KALRN: variants seen among roughly 807,000 people sequenced by gnomAD.
KALRN encodes kalirin.
Under a neutral mutation model 353.7 loss-of-function variants are expected in KALRN, and 70 were observed. That is an observed-to-expected ratio of 0.20 (90% confidence interval 0.16 to 0.24). The LOEUF (loss-of-function observed/expected upper bound fraction) is 0.24. Ranked by LOEUF, KALRN falls within the 10% of genes least tolerant of loss-of-function variation. KALRN has a pLI of 1.00. For missense variants in KALRN, 2,791 were observed against 3,756.7 expected (o/e 0.74, Z 6.72); for synonymous variants, 1,391 against 1,434.8 (o/e 0.97, Z 0.69).
At chr3:124,509,175 G>A (rs748189628) in intron 33 of KALRN, among the ~76,000 whole-genome samples, 1 of 152,064 alleles carries the variant, frequency 6.6e-6, no homozygotes, top group African/African-American at 2.4e-5. Context: ...TAAGTTAGAG[G>A]CTCATGTGAT....
At chr3:124,684,722 G>T (rs540397061) in intron 51 of KALRN, among the ~76,000 whole-genome samples, 1 of 152,220 alleles carries the variant, frequency 6.6e-6, no homozygotes, top group East Asian at 1.9e-4. Flanking sequence ...CGAAGAGGAC[G>T]TGGAAGATTC....
chr3:124,078,026 G>A (rs375289397), intron 1 of KALRN, among the ~76,000 whole-genome samples: 6 of 152,146 alleles, frequency 3.9e-5, no homozygotes, highest in African/African-American at 1.2e-4. Flanking sequence ...GGCATATACC[G>A]ACTACTCAAA....
intron 9 of KALRN, among the ~76,000 whole-genome samples, chr3:124,345,355 C>T (rs1332583446): frequency 1.3e-5 from 2 of 152,198 alleles, no homozygotes; most frequent in Non-Finnish European, 2.9e-5. Context: ...AACTCCTTTA[C>T]AGTACAGAAT....
chr3:124,239,921 A>G (rs977753351), intron 3 of KALRN, among the ~76,000 whole-genome samples: 4 of 152,206 alleles, frequency 2.6e-5, no homozygotes, highest in African/African-American at 9.6e-5. Flanking sequence ...CAGGTGATGG[A>G]AAGGCCAGAT....
intron 34 of KALRN, among the ~76,000 whole-genome samples, chr3:124,600,620 G>A (rs2076698640): frequency 2.0e-5 from 3 of 151,898 alleles, no homozygotes; most frequent in South Asian, 4.1e-4. Context: ...TTTGTGATTA[G>A]CATCCTATAC....
chr3:124,679,565 TG>T, intron 51 of KALRN, 48 bp downstream of exon 51: 1 of 1,475,144 alleles, frequency 6.8e-7, no homozygotes, highest in Non-Finnish European at 9.5e-7. Flanking sequence ...TTGCCTTTTT[TG>T]ATGTGTTCTG....
chr3:124,045,342 T>C (rs1017533507), intron 1 of KALRN, among the ~76,000 whole-genome samples: 1 of 152,178 alleles, frequency 6.6e-6, no homozygotes, highest in Non-Finnish European at 1.5e-5. Context: ...CAAAACACCA[T>C]AGGGAGTAAT....
rs1014797114 is a variant in KALRN, at chr3:124,579,877, T to C, written c.5182+16788T>C. On this transcript the variant is annotated intron_variant, in intron 34 of 59. Coordinates refer to ENST00000682506, the MANE Select transcript of KALRN (RefSeq NM_001388419.1). ...CTAAATCTGAACCAATCCCTGTGGC[T>C]GCCTGGCCACACCCAGGTCATGGGC... Among the ~76,000 whole-genome samples, 5 of 152,172 alleles carry C rather than the reference T, an allele frequency of 3.3e-5. 1 individual carries two copies. The highest frequency in any genetic ancestry group is 5.9e-5 in the Non-Finnish European group (4 of 68,034).
chr3:124,516,667 C>A (rs2066612031), intron 33 of KALRN, among the ~76,000 whole-genome samples: 1 of 145,680 alleles, frequency 6.9e-6, no homozygotes, highest in South Asian at 2.1e-4. Context: ...CTGGTAATGA[C>A]AGTGAATTAT....
At chr3:124,287,799 A>G (rs1365446720) in intron 5 of KALRN, among the ~76,000 whole-genome samples, 87 of 19,194 alleles carry the variant, frequency 4.5e-3, no homozygotes, top group South Asian at 0.014. Context: ...ATATATATAT[A>G]TATATATATA....
chr3:124,410,334 A>AGGC (rs2092038671), intron 13 of KALRN: 1 of 511,934 alleles, frequency 2.0e-6, no homozygotes, highest in Admixed American at 2.1e-5. Context: ...AAGAAAAGGC[A>AGGC]GGCTCTTCCT....
At chr3:124,657,908 C>A (rs1256772021) in intron 41 of KALRN, 105 bp downstream of exon 41, 1 of 827,846 alleles carries the variant, frequency 1.2e-6, no homozygotes, top group Non-Finnish European at 2.0e-6. Flanking sequence ...AATTCCAACA[C>A]TTTAGGAGGC....
intron 49 of KALRN, among the ~76,000 whole-genome samples, chr3:124,676,291 G>A (rs189151): frequency 0.14 from 20,950 of 152,090 alleles, 1,693 homozygotes; most frequent in African/African-American, 0.22. Context: ...CTTGCAAAAG[G>A]GTTGGGGGTG....
intron 13 of KALRN, among the ~76,000 whole-genome samples, 199 bp downstream of exon 13, chr3:124,399,070 A>G (rs1050709201): frequency 6.6e-6 from 1 of 151,944 alleles, no homozygotes; most frequent in African/African-American, 2.4e-5. Context: ...GAGCCCCTCT[A>G]TTTTACTTTC....
intron 1 of KALRN, among the ~76,000 whole-genome samples, chr3:124,175,948 C>G (rs144627109): frequency 3.3e-5 from 5 of 152,302 alleles, no homozygotes; most frequent in Middle Eastern, 3.4e-3. Context: ...CCCTCTTTCT[C>G]AAGACCTAAA....
chr3:124,608,255 C>T (rs544316761), intron 34 of KALRN, among the ~76,000 whole-genome samples: 15 of 152,222 alleles, frequency 9.9e-5, no homozygotes, highest in Admixed American at 6.5e-4. Flanking sequence ...GATCTGCCCA[C>T]CTTGTCTTTC....
rs761915647 is a variant in KALRN at position 124,666,556 on chromosome 3, C to T, written c.6453C>T (p.Phe2151=). 8 of 1,613,984 alleles carry T rather than the reference C, an allele frequency of 5.0e-6. No homozygotes were observed. In the South Asian group the frequency reaches 5.5e-5, roughly 11 times the overall value. Reference sequence around the variant, plus strand: ...CCAAAGAGAGGCGCGTGTTCCTCTTCGAGCAGATTGTCATCTTCAGTGAAC... The same window carrying T: ...CCAAAGAGAGGCGCGTGTTCCTCTTTGAGCAGATTGTCATCTTCAGTGAAC... ...SRTKERRVFL[F]EQIVIFSELL... Residue 2151 remains phenylalanine, a synonymous_variant, in exon 46 of 60, where the codon TTC becomes TTT. Transcript: ENST00000682506.
chr3:124,111,709 G>A (rs543507501), intron 1 of KALRN, among the ~76,000 whole-genome samples: 2 of 152,078 alleles, frequency 1.3e-5, no homozygotes, highest in South Asian at 4.2e-4. Context: ...AAATATAGGG[G>A]GCATGTTCAT....
chr3:124,716,143 G>A (rs1260667296), intron 58 of KALRN, among the ~76,000 whole-genome samples: 3 of 152,250 alleles, frequency 2.0e-5, no homozygotes, highest in South Asian at 2.1e-4. Flanking sequence ...ACCAGGATTC[G>A]AATCTGGGTC....
Sources: gnomAD v4.1 joint callset for allele counts (sites outside exome capture counted in the v4.1 genomes callset) on GRCh38, gnomAD v4.1.1 for gene constraint, MANE v1.5 for transcripts, NCBI Gene and HGNC (gene_info 2026-07-23, HGNC 2026-07-21) for gene names.